SLC35F1: variants seen among roughly 807,000 people sequenced by gnomAD.
SLC35F1 encodes the protein solute carrier family 35 member F1.
SLC35F1 carries 14 observed loss-of-function variants against 48.7 expected under a neutral mutation model. That is an observed-to-expected ratio of 0.29 (90% CI 0.19 to 0.45). SLC35F1 has a LOEUF of 0.45. Ranked by LOEUF, SLC35F1 falls within the 20% of genes least tolerant of loss-of-function variation. The probability of loss-of-function intolerance (pLI) is 1.00; values close to 1 mark genes in which losing one functional copy is unlikely to be tolerated. For synonymous variants in SLC35F1, 190 were observed against 202.2 expected, an observed-to-expected ratio of 0.94 and a Z score of 0.51; for missense variants, 404 against 500.0, an observed-to-expected ratio of 0.81 and a Z score of 1.83.
At chr6:118,309,852 G>T (rs1459005644) in intron 7 of SLC35F1, among the ~76,000 whole-genome samples, 1 of 152,194 alleles carries the variant, frequency 6.6e-6, no homozygotes, top group Non-Finnish European at 1.5e-5. Context: ...AAAGAGCTTT[G>T]TACAGGCTTA....
intron 1 of SLC35F1, among the ~76,000 whole-genome samples, chr6:118,085,591 G>C (rs1289552536): frequency 7.8e-6 from 1 of 128,496 alleles, no homozygotes; most frequent in African/African-American, 3.0e-5. Context: ...TTCACCTCTA[G>C]CCTCAGCCTC....
intron 2 of SLC35F1, among the ~76,000 whole-genome samples, chr6:118,217,340 G>C (rs907226166): frequency 6.6e-6 from 1 of 152,158 alleles, no homozygotes; most frequent in Non-Finnish European, 1.5e-5. Flanking sequence ...TGCAACATGA[G>C]TGAACCTTAA....
intron 1 of SLC35F1, among the ~76,000 whole-genome samples, chr6:117,924,029 A>G (rs945180434): frequency 1.2e-4 from 18 of 150,190 alleles, no homozygotes; most frequent in Non-Finnish European, 1.8e-4. Context: ...ATACCTATAC[A>G]CACATAGGTA....
At chr6:118,168,550 T>C (rs928642379) in intron 2 of SLC35F1, among the ~76,000 whole-genome samples, 9 of 152,184 alleles carry the variant, frequency 5.9e-5, no homozygotes, top group African/African-American at 2.2e-4. Context: ...TTTCAGACGG[T>C]GGTTAACGAT....
chr6:118,093,303 G>A (rs771482433), intron 1 of SLC35F1, among the ~76,000 whole-genome samples: 14 of 151,874 alleles, frequency 9.2e-5, no homozygotes, highest in African/African-American at 2.2e-4. Context: ...GTGACAGAGC[G>A]AGACTCCATC....
At chr6:118,297,652 T>TATAA (rs1562354719) in intron 7 of SLC35F1, among the ~76,000 whole-genome samples, 2 of 84,202 alleles carry the variant, frequency 2.4e-5, no homozygotes, top group Admixed American at 1.0e-4. Context: ...AATATATATA[T>TATAA]AATATATATA....
chr6:118,100,135 A>G (rs1228780142), intron 1 of SLC35F1, among the ~76,000 whole-genome samples: 1 of 152,172 alleles, frequency 6.6e-6, no homozygotes, highest in Non-Finnish European at 1.5e-5. Flanking sequence ...TCTAGGTCAC[A>G]TGAGCTATAA....
rs912402631 is a variant in SLC35F1 at position 118,314,106 on chromosome 6, G to T, written c.1081G>T (p.Ala361Ser). ...CTACTCCTCCACCTCCACCTACATA[G>T]CCCAGGACCCCCGAGTGTATAAGCA... Reference protein sequence around the residue: ...VLYSSTSTYIAQDPRVYKQFR... With the variant: ...VLYSSTSTYISQDPRVYKQFR... Residue 361 changes from alanine to serine, a missense_variant, in exon 8 of 8, where the codon GCC (alanine) becomes TCC (serine). Ala to Ser is a moderately conservative substitution (Grantham distance 99). Coordinates refer to ENST00000360388, the MANE Select transcript of SLC35F1 (RefSeq NM_001029858.4). 18 of 1,613,930 alleles carry T rather than the reference G, an allele frequency of 1.1e-5. No homozygotes were observed. The highest frequency in any genetic ancestry group is 1.5e-5 in the Non-Finnish European group (18 of 1,180,034).
chr6:117,955,523 TC>T, intron 1 of SLC35F1, among the ~76,000 whole-genome samples: 1 of 152,320 alleles, frequency 6.6e-6, no homozygotes, highest in East Asian at 1.9e-4. Flanking sequence ...GGCTTCAAGT[TC>T]TTCATTGCTT....
At chr6:117,987,196 T>A (rs768500350) in intron 1 of SLC35F1, among the ~76,000 whole-genome samples, 1 of 152,162 alleles carries the variant, frequency 6.6e-6, no homozygotes, top group Non-Finnish European at 1.5e-5. Context: ...ACTCATCTCT[T>A]TGTGCATGGG....
chr6:118,288,800 G>A (rs1050130101), intron 7 of SLC35F1, among the ~76,000 whole-genome samples: 13 of 151,992 alleles, frequency 8.6e-5, no homozygotes, highest in Admixed American at 3.9e-4. Context: ...CAGATGGTTG[G>A]GGGGGCCTTA....
intron 1 of SLC35F1, among the ~76,000 whole-genome samples, chr6:117,947,093 T>C (rs1012588000): frequency 1.3e-5 from 2 of 152,182 alleles, no homozygotes; most frequent in African/African-American, 2.4e-5. Context: ...GGAAGGGTAA[T>C]ATAAAGTATG....
intron 1 of SLC35F1, among the ~76,000 whole-genome samples, chr6:117,934,508 G>C (rs1776140434): frequency 6.6e-6 from 1 of 152,112 alleles, no homozygotes; most frequent in Non-Finnish European, 1.5e-5. Context: ...ACCTCACTTT[G>C]CACAACGTAT....
intron 1 of SLC35F1, among the ~76,000 whole-genome samples, chr6:117,959,797 A>T (rs1776472708): frequency 6.6e-6 from 1 of 152,132 alleles, no homozygotes. Context: ...CTTATAAGTT[A>T]AAACAATTAT....
In SLC35F1 at chr6:118,220,397, A is replaced by G. The variant is rs183183139; in HGVS notation, c.350-15112A>G. Among the ~76,000 whole-genome samples the G allele has an allele frequency of 3.1e-3, 474 of 152,206 alleles. 2 individuals are homozygous for G. The highest frequency in any genetic ancestry group is 4.0e-3 in the Non-Finnish European group (274 of 68,004). On this transcript the variant is annotated intron_variant, in intron 2 of 7. Transcript: ENST00000360388. ...CCCCATTCCCTTCCCCTGGGCTCTG[A>G]GCAACGTAGAACAGATATCAAATTT...
chr6:118,241,192 G>A (rs1775435731), intron 3 of SLC35F1, among the ~76,000 whole-genome samples: 1 of 152,196 alleles, frequency 6.6e-6, no homozygotes, highest in Non-Finnish European at 1.5e-5. Flanking sequence ...ATGATAGGAT[G>A]TGACCCAAGC....
In SLC35F1 at chr6:118,236,169, C is replaced by A. The variant is rs1161451782; in HGVS notation, c.477+533C>A. ...TTCCTAAAGGGACAAGGAGTCAATTCTTAAAATGTGTTATGCGTGAAGATA... is the reference window on the plus strand; with the variant it reads ...TTCCTAAAGGGACAAGGAGTCAATTATTAAAATGTGTTATGCGTGAAGATA... On this transcript the variant is annotated intron_variant, in intron 3 of 7. Transcript: ENST00000360388. Among the ~76,000 whole-genome samples the A allele has an allele frequency of 3.3e-5, 5 of 152,180 alleles. No homozygotes were observed. In the East Asian group the frequency reaches 9.7e-4, roughly 29 times the overall value.
chr6:118,275,294 T>C (rs1201938062), intron 4 of SLC35F1, among the ~76,000 whole-genome samples, 165 bp from the exon 5 acceptor site: 3 of 152,146 alleles, frequency 2.0e-5, no homozygotes, highest in African/African-American at 4.8e-5. Context: ...TCAGAACGTG[T>C]CTAGAGCACA....
chr6:118,172,761 TAATC>T (rs943737557), intron 2 of SLC35F1, among the ~76,000 whole-genome samples: 4 of 152,214 alleles, frequency 2.6e-5, no homozygotes, highest in African/African-American at 9.6e-5. Context: ...ATTAAAATGT[TAATC>T]TATTTGATGA....
Sources: allele counts gnomAD v4.1 joint callset (sites outside exome capture counted in the v4.1 genomes callset), GRCh38; gene constraint gnomAD v4.1.1; transcripts MANE v1.5; gene names NCBI Gene and HGNC (gene_info 2026-07-23, HGNC 2026-07-21).